NXPH1: variants seen among roughly 807,000 people sequenced by gnomAD.
The protein encoded by NXPH1 is neurexophilin 1, also known as neurexophilin-1.
In NXPH1, 5 loss-of-function variants were observed where a neutral mutation model predicts 23.7. That is an observed-to-expected ratio of 0.21 (90% CI 0.11 to 0.44). NXPH1 has a LOEUF of 0.44. Among genes scored for constraint, NXPH1 ranks in the 20% least tolerant of loss-of-function variants. The probability of loss-of-function intolerance (pLI) is 0.99; values close to 1 mark genes in which losing one functional copy is unlikely to be tolerated. For missense variants in NXPH1, 324 were observed against 321.6 expected (o/e 1.01, Z -0.06); for synonymous variants, 144 against 122.2 (o/e 1.18, Z -1.18).
chr7:8,649,977 G>C (rs1820464648), intron 2 of NXPH1, among the ~76,000 whole-genome samples: 2 of 152,136 alleles, frequency 1.3e-5, no homozygotes, highest in Admixed American at 1.3e-4. Flanking sequence ...ATGAAGTACA[G>C]TCAGTGAATT....
intron 2 of NXPH1, among the ~76,000 whole-genome samples, chr7:8,698,011 G>A (rs1013482960): frequency 2.0e-5 from 3 of 152,148 alleles, no homozygotes; most frequent in Admixed American, 1.3e-4. Flanking sequence ...CAAGTAAAAT[G>A]GCCTGATCAA....
chr7:8,457,634 G>T lies in NXPH1; in HGVS notation c.54+21867G>T, dbSNP rs141472541. 2.0e-5 allele frequency among the ~76,000 whole-genome samples: 3 copies of T among 150,838 alleles called. No individual in the cohort carries two copies. The South Asian group carries it at 6.3e-4, about 32-fold the overall frequency. ...TCATTGGTCCATTTGGTCTCATATA[G>T]CTCCTGGCATTCTCCCATTGTTCAT... On this transcript the variant is annotated intron_variant, in intron 2 of 2. Coordinates refer to ENST00000405863, the MANE Select transcript of NXPH1 (RefSeq NM_152745.3).
At chr7:8,451,621 T>C (rs189860474) in intron 2 of NXPH1, among the ~76,000 whole-genome samples, 4 of 152,364 alleles carry the variant, frequency 2.6e-5, no homozygotes, top group Non-Finnish European at 5.9e-5. Flanking sequence ...GTGACAATTA[T>C]TCAGTGGCCA....
At chr7:8,441,539 A>T (rs904250620) in intron 2 of NXPH1, among the ~76,000 whole-genome samples, 3 of 152,134 alleles carry the variant, frequency 2.0e-5, no homozygotes, top group Non-Finnish European at 4.4e-5. Flanking sequence ...CACTCAATTT[A>T]TTGTGAAAGT....
intron 2 of NXPH1, among the ~76,000 whole-genome samples, chr7:8,568,601 T>G (rs1343554098): frequency 6.8e-5 from 10 of 147,004 alleles, no homozygotes; most frequent in Middle Eastern, 3.8e-3. Flanking sequence ...CAATATGTCA[T>G]CAAATATCCC....
chr7:8,752,203 T>G lies in NXPH1; in HGVS notation c.*434T>G. 1 of 166,488 alleles carries G rather than the reference T, an allele frequency of 6.0e-6. No homozygotes were observed. Among genetic ancestry groups the G allele is most frequent in the Non-Finnish European group, 1.3e-5 (1 of 75,184 alleles). 10.3% of individuals were successfully genotyped at this position (166,488 alleles called of 1,614,324 possible). ...AATCTCTTTTAAAGTCTTGAGTACATGCTAATCAATAATCTCCACTCATGC... is the reference window on the plus strand; with the variant it reads ...AATCTCTTTTAAAGTCTTGAGTACAGGCTAATCAATAATCTCCACTCATGC... On this transcript the variant is annotated 3_prime_UTR_variant, in exon 3 of 3. Coordinates refer to ENST00000405863, the MANE Select transcript of NXPH1 (RefSeq NM_152745.3).
intron 2 of NXPH1, among the ~76,000 whole-genome samples, chr7:8,702,967 C>T (rs546279270): frequency 2.3e-4 from 35 of 152,214 alleles, no homozygotes; most frequent in Non-Finnish European, 2.9e-4. Context: ...TTTGCAGGGT[C>T]CTGCTCTCCT....
intron 2 of NXPH1, among the ~76,000 whole-genome samples, chr7:8,529,077 A>T (rs117489468): frequency 6.6e-6 from 1 of 152,160 alleles, no homozygotes; most frequent in African/African-American, 2.4e-5. Flanking sequence ...TTGACATATG[A>T]CACCTGTCAT....
chr7:8,690,476 T>C (rs1821206540), intron 2 of NXPH1: 1 of 152,218 alleles, frequency 6.6e-6, no homozygotes, highest in South Asian at 2.1e-4. Context: ...ATATTGGTGA[T>C]TGACCAGGAA....
chr7:8,435,621 T>C lies in NXPH1; in HGVS notation c.-93T>C. ...GCATCTAGGCTGCTGAGAGCGCTCC[T>C]TGCTCTGTAAAGTGGATGTCAGGTG... On this transcript the variant is annotated 5_prime_UTR_variant, in exon 2 of 3. Transcript: ENST00000405863. The surrounding 1 kb of genome is among the most constrained non-coding windows in gnomAD (Gnocchi z 5.9). The C allele has an allele frequency of 3.4e-6, 4 of 1,179,620 alleles. No individual in the cohort carries two copies. Among genetic ancestry groups the C allele is most frequent in the South Asian group, 1.2e-5 (1 of 82,358 alleles). The allele number at this position is 1,179,620 out of a possible 1,614,324, so 73.1% of individuals were successfully genotyped here.
intron 2 of NXPH1, among the ~76,000 whole-genome samples, chr7:8,639,271 AT>A (rs1222449910): frequency 1.3e-5 from 2 of 152,212 alleles, no homozygotes; most frequent in Non-Finnish European, 2.9e-5. Flanking sequence ...TGGAAAAAAA[AT>A]AGTCTGATAG....
rs183103732 is a variant in NXPH1, at chr7:8,621,510, G to A, written c.55-129498G>A. On this transcript the variant is annotated intron_variant, in intron 2 of 2. Transcript: ENST00000405863. ...CCACTCTTTTTTTTTTTTTTGAGGT[G>A]AAGTTTCACTCTTGTTGCCCAGGCT... Among the ~76,000 whole-genome samples, 508 of 143,292 alleles carry A rather than the reference G, an allele frequency of 3.5e-3. 2 individuals are homozygous for A. The highest frequency in any genetic ancestry group is 0.012 in the African/African-American group (473 of 39,982). 94.0% of individuals were successfully genotyped at this position (143,292 alleles called of 152,430 possible). A position where few individuals can be genotyped will look rare whatever the true frequency, so the allele number is the denominator to read the frequency against.
intron 2 of NXPH1, among the ~76,000 whole-genome samples, chr7:8,647,050 C>G (rs756549876): frequency 2.0e-5 from 3 of 152,036 alleles, no homozygotes; most frequent in Admixed American, 1.3e-4. Context: ...CCTAGCCACC[C>G]CTGGGACAGG....
chr7:8,525,133 T>G (rs1817841894), intron 2 of NXPH1, among the ~76,000 whole-genome samples: 1 of 151,832 alleles, frequency 6.6e-6, no homozygotes, highest in African/African-American at 2.4e-5. Context: ...ACAATAAAAT[T>G]TAGGGTGAGG....
At chr7:8,589,436 G>C (rs1819045957) in intron 2 of NXPH1, among the ~76,000 whole-genome samples, 1 of 152,082 alleles carries the variant, frequency 6.6e-6, no homozygotes, top group African/African-American at 2.4e-5. Context: ...CAGCAAACAG[G>C]AGAAGATAGC....
intron 2 of NXPH1, among the ~76,000 whole-genome samples, chr7:8,696,799 C>T (rs2214582): frequency 0.39 from 56,969 of 144,480 alleles, 11,608 homozygotes; most frequent in Non-Finnish European, 0.45. Context: ...CGAGATCTTG[C>T]CACTGCACTC....
At chr7:8,721,421 A>T (rs559466009) in intron 2 of NXPH1, among the ~76,000 whole-genome samples, 11 of 152,398 alleles carry the variant, frequency 7.2e-5, no homozygotes, top group East Asian at 3.8e-4. Context: ...GTGCAGATTT[A>T]AATTAAGATG....
intron 2 of NXPH1, among the ~76,000 whole-genome samples, chr7:8,548,580 G>A (rs1025714022): frequency 4.6e-5 from 7 of 151,480 alleles, no homozygotes; most frequent in African/African-American, 1.5e-4. Context: ...TGCCTAATGT[G>A]CCACTGACGC....
At chr7:8,604,503 C>T (rs886985728) in intron 2 of NXPH1, among the ~76,000 whole-genome samples, 6 of 152,028 alleles carry the variant, frequency 3.9e-5, no homozygotes, top group South Asian at 2.1e-4. Flanking sequence ...TAGTAGATTG[C>T]CTTTCTCTCA....
Sources: gnomAD v4.1 joint callset for allele counts (sites outside exome capture counted in the v4.1 genomes callset) on GRCh38, gnomAD v4.1.1 for gene constraint, Gnocchi (gnomAD v3.1) non-coding constraint, MANE v1.5 for transcripts, NCBI Gene and HGNC (gene_info 2026-07-23, HGNC 2026-07-21) for gene names.